ST7: variants seen among roughly 807,000 people sequenced by gnomAD.
ST7 encodes the protein suppression of tumorigenicity 7.
A neutral mutation model predicts 78.7 loss-of-function variants in ST7; 28 were observed. The ratio of observed to expected loss-of-function variants is 0.36; its 90% confidence interval spans 0.26 to 0.49. The LOEUF is 0.49. Ranked by LOEUF, ST7 falls within the 20% of genes least tolerant of loss-of-function variation. The pLI is 0.99. For synonymous variants in ST7, 247 were observed against 249.6 expected (o/e 0.99, Z 0.10); for missense variants, 418 against 696.0 (o/e 0.60, Z 4.49).
chr7:117,199,748 G>A (rs572505615), intron 12 of ST7, among the ~76,000 whole-genome samples: 1 of 152,356 alleles, frequency 6.6e-6, no homozygotes, highest in African/African-American at 2.4e-5. Flanking sequence ...TCATTGAGAA[G>A]ACAGACCGGG....
chr7:117,127,370 A>C (rs184685961), intron 3 of ST7, among the ~76,000 whole-genome samples: 1 of 152,014 alleles, frequency 6.6e-6, no homozygotes, highest in East Asian at 1.9e-4. Flanking sequence ...TTCTAGATTG[A>C]GTTTTTGCAG....
chr7:117,228,557 G>A (rs1010323397), intron 15 of ST7, among the ~76,000 whole-genome samples: 3 of 152,124 alleles, frequency 2.0e-5, no homozygotes, highest in Non-Finnish European at 1.5e-5. Flanking sequence ...CCCAGTGTGT[G>A]TTCTACTGGT....
At chr7:117,011,475 C>G (rs1795380790) in intron 1 of ST7, among the ~76,000 whole-genome samples, 1 of 152,154 alleles carries the variant, frequency 6.6e-6, no homozygotes, top group African/African-American at 2.4e-5. Flanking sequence ...TAGGGATTTT[C>G]CAGTTCCACC....
At chr7:117,152,177 CTATATATATATATATA>C (rs58892731) in intron 9 of ST7, among the ~76,000 whole-genome samples, 2,578 of 66,828 alleles carry the variant, frequency 0.039, 92 homozygotes, top group Non-Finnish European at 0.052. Context: ...TATATAAAAA[CTATATATATATATATA>C]TATATATATA....
intron 1 of ST7, chr7:117,020,290 C>G (rs542635612): frequency 1.8e-5 from 7 of 385,480 alleles, no homozygotes; most frequent in Non-Finnish European, 2.3e-5. Context: ...GCCCCTGCTG[C>G]TACCTAGTCC....
chr7:117,049,684 T>C (rs1403687619), intron 1 of ST7, among the ~76,000 whole-genome samples: 1 of 152,192 alleles, frequency 6.6e-6, no homozygotes, highest in East Asian at 1.9e-4. Flanking sequence ...TTCATGAATT[T>C]TGTTTTCTTT....
At chr7:117,216,749 G>A (rs1322101994) in intron 13 of ST7, among the ~76,000 whole-genome samples, 1 of 152,096 alleles carries the variant, frequency 6.6e-6, no homozygotes, top group Non-Finnish European at 1.5e-5. Context: ...CTTTTGTTTA[G>A]TGAAGCCAAA....
chr7:117,111,887 G>C (rs931388683), intron 2 of ST7, among the ~76,000 whole-genome samples: 1 of 152,230 alleles, frequency 6.6e-6, no homozygotes, highest in South Asian at 2.1e-4. Context: ...TGCAGAAAAT[G>C]CTCCCCTTAA....
intron 1 of ST7, among the ~76,000 whole-genome samples, chr7:117,092,001 C>T (rs1395725658): frequency 2.0e-5 from 3 of 152,132 alleles, no homozygotes; most frequent in Non-Finnish European, 2.9e-5. Flanking sequence ...CTGTGGTCCA[C>T]GTGGCCACTT....
intron 12 of ST7, among the ~76,000 whole-genome samples, chr7:117,206,951 T>C (rs749010253): frequency 2.0e-5 from 3 of 152,230 alleles, no homozygotes; most frequent in Non-Finnish European, 2.9e-5. Flanking sequence ...ACTTGAAATA[T>C]GGCTAGTGAG....
At chr7:117,086,567 A>G (rs1409861962) in intron 1 of ST7, among the ~76,000 whole-genome samples, 1 of 152,224 alleles carries the variant, frequency 6.6e-6, no homozygotes, top group African/African-American at 2.4e-5. Context: ...AGAGGGGAAA[A>G]TGCCATTTAC....
intron 10 of ST7, among the ~76,000 whole-genome samples, chr7:117,174,078 T>C (rs1808190738): frequency 6.6e-6 from 1 of 152,208 alleles, no homozygotes; most frequent in Non-Finnish European, 1.5e-5. Context: ...AGATTACCAG[T>C]TGATTGGACA....
chr7:117,069,311 A>T (rs530167454), intron 1 of ST7, among the ~76,000 whole-genome samples: 1 of 152,342 alleles, frequency 6.6e-6, no homozygotes, highest in South Asian at 2.1e-4. Flanking sequence ...CACAGGGGGA[A>T]ATCATTTTTC....
chr7:117,192,117 A>G (rs1809837872), intron 12 of ST7, among the ~76,000 whole-genome samples: 4 of 152,214 alleles, frequency 2.6e-5, no homozygotes, highest in Admixed American at 2.6e-4. Flanking sequence ...TATTGTCCAT[A>G]TGGTGCTATA....
chr7:117,126,013 C>T (rs1803807676), intron 3 of ST7, among the ~76,000 whole-genome samples: 1 of 151,754 alleles, frequency 6.6e-6, no homozygotes, highest in African/African-American at 2.4e-5. Context: ...TAATATATAC[C>T]CCTAACTAAT....
intron 10 of ST7, among the ~76,000 whole-genome samples, chr7:117,174,400 C>T (rs977818225): frequency 2.6e-5 from 4 of 152,056 alleles, no homozygotes; most frequent in African/African-American, 9.7e-5. Flanking sequence ...TGTTGTTAGC[C>T]CCATTTTGCA....
chr7:117,052,721 C>T (rs1254043100), intron 1 of ST7, among the ~76,000 whole-genome samples: 2 of 152,094 alleles, frequency 1.3e-5, no homozygotes, highest in African/African-American at 2.4e-5. Flanking sequence ...GGTGAAACCC[C>T]GTCTCTACTA....
At chr7:117,166,706 G>A (rs904548031) in intron 9 of ST7, among the ~76,000 whole-genome samples, 15 of 152,060 alleles carry the variant, frequency 9.9e-5, no homozygotes, top group African/African-American at 3.6e-4. Flanking sequence ...TGGCTAACAT[G>A]GTGAAACCCC....
intron 1 of ST7, among the ~76,000 whole-genome samples, chr7:116,993,766 T>C (rs1215566279): frequency 1.3e-5 from 2 of 152,226 alleles, no homozygotes; most frequent in African/African-American, 4.8e-5. Context: ...GGATCAGGGA[T>C]GAAATTGAGA....
Sources: allele counts gnomAD v4.1 joint callset (sites outside exome capture counted in the v4.1 genomes callset), GRCh38; gene constraint gnomAD v4.1.1; transcripts MANE v1.5; gene names NCBI Gene and HGNC (gene_info 2026-07-23, HGNC 2026-07-21).